SUCO: variants seen among roughly 807,000 people sequenced by gnomAD.
SUCO encodes the protein SUN domain containing ossification factor.
A neutral mutation model predicts 148.1 loss-of-function variants in SUCO; 57 were observed. The ratio of observed to expected loss-of-function variants is 0.38; its 90% CI spans 0.31 to 0.48. The LOEUF (loss-of-function observed/expected upper bound fraction) is 0.48, where lower values mean the gene tolerates loss of function less well. SUCO is among the 20% of genes least tolerant of loss of function. SUCO has a pLI of 0.96. For synonymous variants in SUCO, 470 were observed against 502.7 expected (o/e 0.93, Z 0.87); for missense variants, 1,331 against 1,468.2 (o/e 0.91, Z 1.53).
chr1:172,571,618 G>A (rs1157952826), intron 9 of SUCO, among the ~76,000 whole-genome samples: 2 of 138,432 alleles, frequency 1.4e-5, no homozygotes, highest in South Asian at 2.6e-4. Flanking sequence ...AGTGAGGAGC[G>A]CCTCTTCCCT....
At chr1:172,578,410 G>C in intron 14 of SUCO, 21 bp downstream of exon 14, 1 of 1,591,242 alleles carries the variant, frequency 6.3e-7, no homozygotes, top group Non-Finnish European at 8.6e-7. Context: ...TCAAACAGAT[G>C]ACTGTTAGGT....
chr1:172,538,635 C>A (rs1276657189), intron 1 of SUCO, among the ~76,000 whole-genome samples: 1 of 151,930 alleles, frequency 6.6e-6, no homozygotes, highest in African/African-American at 2.4e-5. Flanking sequence ...TAAAACAATC[C>A]CACTTCTCCA....
At chr1:172,555,032 C>T (rs1653623162) in intron 3 of SUCO, among the ~76,000 whole-genome samples, 1 of 152,100 alleles carries the variant, frequency 6.6e-6, no homozygotes, top group Middle Eastern at 3.4e-3. Context: ...TCCTTAGTTT[C>T]TTTTTCCTTG....
intron 2 of SUCO, among the ~76,000 whole-genome samples, chr1:172,552,394 A>T (rs1363326721): frequency 6.6e-6 from 1 of 151,884 alleles, no homozygotes; most frequent in Non-Finnish European, 1.5e-5. Flanking sequence ...TCATCTTTTC[A>T]TGTTGATATA....
intron 11 of SUCO, among the ~76,000 whole-genome samples, chr1:172,576,120 T>C (rs1410597821): frequency 6.6e-6 from 1 of 151,890 alleles, no homozygotes; most frequent in Non-Finnish European, 1.5e-5. Flanking sequence ...AAATAGAGTT[T>C]TAAACACTGG....
intron 6 of SUCO, among the ~76,000 whole-genome samples, chr1:172,562,582 G>A (rs1042501534): frequency 3.3e-5 from 5 of 152,130 alleles, no homozygotes; most frequent in South Asian, 2.1e-4. Context: ...GTGATCACCC[G>A]CCTTGGCCTT....
chr1:172,602,595 G>A (rs1416081856), intron 21 of SUCO, 101 bp from the exon 22 acceptor site: 1 of 1,528,130 alleles, frequency 6.5e-7, no homozygotes, highest in African/African-American at 1.4e-5. Flanking sequence ...GTCCCGTGTG[G>A]TATGTACAGT....
chr1:172,538,876 A>G (rs1232125540), intron 1 of SUCO, among the ~76,000 whole-genome samples: 1 of 152,194 alleles, frequency 6.6e-6, no homozygotes, highest in Non-Finnish European at 1.5e-5. Context: ...TTAATAGGAA[A>G]AGGTCTGTGA....
intron 1 of SUCO, among the ~76,000 whole-genome samples, chr1:172,550,397 A>AT (rs1446991254): frequency 1.3e-5 from 2 of 152,014 alleles, no homozygotes; most frequent in Non-Finnish European, 2.9e-5. Context: ...TCTATCATAA[A>AT]TGAGTCCTTG....
At position 172,533,488 on chromosome 1, in the gene SUCO, C is replaced by T; in HGVS notation, c.53C>T (p.Ser18Phe). 3 of 1,560,936 alleles carry T rather than the reference C, an allele frequency of 1.9e-6. No individual in the cohort carries two copies. Among genetic ancestry groups the T allele is most frequent in the African/African-American group, 1.4e-5 (1 of 73,764 alleles). ...CTGGTCTCCTGCCTCTTTCTGTGCT[C>T]TCTGGTCTGGTGAGTAGCCGCGACG... Reference protein sequence around the residue: ...LALVSCLFLCSLVWLPSWRVC... With the variant: ...LALVSCLFLCFLVWLPSWRVC... The change falls in exon 1 of 24, where the codon TCT becomes TTT. Residue 18 changes from serine (S) to phenylalanine (F), a missense_variant. This residue lies in a region of SUCO where 992 missense variants were observed against 1,093.5 expected (regional missense o/e 0.91). Coordinates refer to ENST00000263688, the MANE Select transcript of SUCO (RefSeq NM_014283.5).
chr1:172,556,000 A>T lies in SUCO; in HGVS notation c.420A>T (p.Glu140Asp). ...ATATTTCCAGCTCATCTACCTCAGA[A>T]ATCACTCCAATCTCAAAGCTTGAGT... ...VENISSSSTS[E>D]ITPISKLDEI... The change falls in exon 4 of 24, where the codon GAA (glutamate) becomes GAT (aspartate). Residue 140 changes from glutamate to aspartate, a missense_variant. Physicochemically the swap from Glu to Asp is conservative, Grantham distance 45. Around this residue, in one of 3 missense-constraint regions of SUCO, gnomAD observed 992 missense variants for 1,093.5 expected, o/e 0.91. Coordinates refer to ENST00000263688, the MANE Select transcript of SUCO (RefSeq NM_014283.5). 6.2e-7 allele frequency: 1 copy of T among 1,612,910 alleles called. No homozygotes were observed.
At chr1:172,588,150 G>T in intron 17 of SUCO, 12 of 985,224 alleles carry the variant, frequency 1.2e-5, no homozygotes, top group Middle Eastern at 5.2e-4. Flanking sequence ...CCTTAAAGTA[G>T]ATAATCCTAT....
At chr1:172,604,026 T>G (rs1385049679) in intron 22 of SUCO, among the ~76,000 whole-genome samples, 1 of 151,980 alleles carries the variant, frequency 6.6e-6, no homozygotes, top group Non-Finnish European at 1.5e-5. Context: ...TCAGCTTTAG[T>G]AAATACTGTC....
intron 1 of SUCO, among the ~76,000 whole-genome samples, chr1:172,546,251 A>G (rs1002573805): frequency 3.3e-5 from 5 of 152,212 alleles, no homozygotes; most frequent in African/African-American, 1.2e-4. Context: ...TAAGTTGCCC[A>G]TCACTCACCT....
In SUCO at chr1:172,555,978, T is replaced by C. The variant is rs762416899; in HGVS notation, c.398T>C (p.Ile133Thr). 8 of 1,613,398 alleles carry C rather than the reference T, an allele frequency of 5.0e-6. No individual in the cohort carries two copies. The highest frequency in any genetic ancestry group is 3.3e-5 in the Admixed American group (2 of 59,978). Residue 133 changes from isoleucine to threonine, a missense_variant, in exon 4 of 24, where the codon ATT (isoleucine) becomes ACT (threonine). Physicochemically the swap from Ile to Thr is moderately conservative, Grantham distance 89. Coordinates refer to ENST00000263688, the MANE Select transcript of SUCO (RefSeq NM_014283.5). ...GTGGACAGTGAAACTGTTGAAAATATTTCCAGCTCATCTACCTCAGAAATC... is the reference window on the plus strand; with the variant it reads ...GTGGACAGTGAAACTGTTGAAAATACTTCCAGCTCATCTACCTCAGAAATC... ...AVVDSETVEN[I>T]SSSSTSEITP...
chr1:172,550,000 G>A (rs747477630), intron 1 of SUCO, among the ~76,000 whole-genome samples: 1 of 151,782 alleles, frequency 6.6e-6, no homozygotes, highest in Non-Finnish European at 1.5e-5. Flanking sequence ...ATTTCTTCTG[G>A]TGTTATTTGG....
At chr1:172,552,430 G>A (rs532417876) in intron 2 of SUCO, 2 of 152,650 alleles carry the variant, frequency 1.3e-5, no homozygotes, top group South Asian at 4.1e-4. Flanking sequence ...TTTTAATCTT[G>A]TTATATAGAC....
chr1:172,553,297 G>A lies in SUCO; in HGVS notation c.215G>A (p.Gly72Glu). ...REGPINAESL[G>E]KSGSNLPISP... ...GGACCTATCAATGCCGAATCATTGG[G>A]AAAATCAGGTTCAAATTTACCTATT... Residue 72 changes from glycine to glutamate, a missense_variant, in exon 3 of 24, where the codon GGA becomes GAA. Physicochemically the swap from Gly to Glu is moderately conservative, Grantham distance 98. Coordinates refer to ENST00000263688, the MANE Select transcript of SUCO (RefSeq NM_014283.5). 1 of 1,599,128 alleles carries A rather than the reference G, an allele frequency of 6.3e-7. No individual in the cohort carries two copies. Among genetic ancestry groups the A allele is most frequent in the Non-Finnish European group, 8.5e-7 (1 of 1,170,514 alleles).
chr1:172,582,320 T>G (rs2149255342), intron 15 of SUCO, among the ~76,000 whole-genome samples: 1 of 152,238 alleles, frequency 6.6e-6, no homozygotes, highest in African/African-American at 2.4e-5. Flanking sequence ...GGAGGAAGTC[T>G]TTTTTTGTTG....
Sources: gnomAD v4.1 joint callset for allele counts (sites outside exome capture counted in the v4.1 genomes callset) on GRCh38, gnomAD v4.1.1 for gene constraint, gnomAD v4.1.1 regional missense constraint, MANE v1.5 for transcripts, NCBI Gene and HGNC (gene_info 2026-07-23, HGNC 2026-07-21) for gene names.